Variants in VMP1 observed in about 807,000 individuals in gnomAD.
VMP1 encodes ectopic P-granules autophagy protein 3 homolog.
VMP1 carries 11 observed loss-of-function variants against 56.0 expected under a neutral mutation model. The ratio of observed to expected loss-of-function variants is 0.20; its 90% CI spans 0.12 to 0.32. VMP1 has a LOEUF of 0.32. Among genes scored for constraint, VMP1 ranks in the 10% least tolerant of loss-of-function variants. The probability of loss-of-function intolerance (pLI) is 1.00; values close to 1 mark genes in which losing one functional copy is unlikely to be tolerated. For synonymous variants in VMP1, 149 were observed against 165.0 expected (o/e 0.90, Z 0.74); for missense variants, 296 against 490.3 (o/e 0.60, Z 3.74).
chr17:59,751,354 T>TTA (rs992528014), intron 5 of VMP1, among the ~76,000 whole-genome samples: 1 of 151,974 alleles, frequency 6.6e-6, no homozygotes. Flanking sequence ...GTAAGAATAG[T>TTA]AAGTCAATGT....
chr17:59,777,755 G>A (rs112074942), intron 7 of VMP1, among the ~76,000 whole-genome samples: 27 of 152,004 alleles, frequency 1.8e-4, no homozygotes, highest in Non-Finnish European at 3.8e-4. Flanking sequence ...CAGAGGTTGC[G>A]GTGAGCCAAG....
chr17:59,729,673 C>G (rs114591779), intron 1 of VMP1: 1 of 147,252 alleles, frequency 6.8e-6, no homozygotes, highest in Non-Finnish European at 1.5e-5. Flanking sequence ...TTATTATTAT[C>G]TTTTTTTTGT....
chr17:59,831,835 G>A (rs900550908), intron 10 of VMP1, among the ~76,000 whole-genome samples: 31 of 149,940 alleles, frequency 2.1e-4, no homozygotes, highest in Non-Finnish European at 3.5e-4. Flanking sequence ...AATAACAAAA[G>A]TGTAAAAATT....
chr17:59,828,958 A>C, intron 10 of VMP1, among the ~76,000 whole-genome samples: 1 of 152,146 alleles, frequency 6.6e-6, no homozygotes, highest in Non-Finnish European at 1.5e-5. Context: ...TCTACTAAAA[A>C]TACAAAAACT....
chr17:59,838,284 C>T lies in VMP1; in HGVS notation c.975-11C>T, dbSNP rs755712512. The T allele has an allele frequency of 2.5e-6, 4 of 1,612,874 alleles. No individual in the cohort carries two copies. Among genetic ancestry groups the T allele is most frequent in the East Asian group, 2.2e-5 (1 of 44,860 alleles). ...TGTCTTTTTCTTTGGGCTACTGTACCCTGCTTCCAGTGCTGTCCCCGGCAT... is the reference window on the plus strand; with the variant it reads ...TGTCTTTTTCTTTGGGCTACTGTACTCTGCTTCCAGTGCTGTCCCCGGCAT... On this transcript the variant is annotated splice_polypyrimidine_tract_variant and intron_variant, in intron 10 of 11. Coordinates refer to ENST00000262291, the MANE Select transcript of VMP1 (RefSeq NM_030938.5).
At chr17:59,814,125 C>T (rs910728480) in intron 9 of VMP1, among the ~76,000 whole-genome samples, 1 of 152,176 alleles carries the variant, frequency 6.6e-6, no homozygotes, top group South Asian at 2.1e-4. Context: ...GGACTACAGG[C>T]GCATGCCACC....
chr17:59,771,029 T>C (rs554172853), intron 6 of VMP1, among the ~76,000 whole-genome samples: 5 of 152,150 alleles, frequency 3.3e-5, no homozygotes, highest in African/African-American at 1.2e-4. Flanking sequence ...TCCATAGCCT[T>C]GTGTATTTCT....
At chr17:59,817,662 T>C in intron 9 of VMP1, 50 bp from the exon 10 acceptor site, 1 of 1,390,422 alleles carries the variant, frequency 7.2e-7, no homozygotes, top group South Asian at 1.2e-5. Context: ...GAATTTATGT[T>C]GGTTTTTTGA....
intron 7 of VMP1, among the ~76,000 whole-genome samples, chr17:59,795,161 G>A (rs747362875): frequency 2.0e-5 from 3 of 151,990 alleles, no homozygotes; most frequent in Non-Finnish European, 4.4e-5. Flanking sequence ...TTTTAGTAGA[G>A]ACGGGGTTTC....
chr17:59,836,516 A>G (rs2038985924), intron 10 of VMP1, among the ~76,000 whole-genome samples: 2 of 151,908 alleles, frequency 1.3e-5, no homozygotes, highest in African/African-American at 4.8e-5. Context: ...CTTTTTAACA[A>G]CTTCACCCCT....
intron 7 of VMP1, among the ~76,000 whole-genome samples, chr17:59,785,546 T>TGGGCATGATGGC (rs1316002320): frequency 6.6e-6 from 1 of 152,092 alleles, no homozygotes; most frequent in East Asian, 1.9e-4. Context: ...AAAAATTAGC[T>TGGGCATGATGGC]GGGCATGATG....
At chr17:59,769,014 A>G (rs2036333874) in intron 6 of VMP1, among the ~76,000 whole-genome samples, 1 of 151,098 alleles carries the variant, frequency 6.6e-6, no homozygotes, top group Non-Finnish European at 1.5e-5. Flanking sequence ...CCAGCTACTC[A>G]GGACGCTGAG....
intron 7 of VMP1, among the ~76,000 whole-genome samples, chr17:59,782,897 GTGATT>G (rs892014205): frequency 2.4e-4 from 37 of 152,248 alleles, no homozygotes; most frequent in South Asian, 1.0e-3. Flanking sequence ...AATGGTGTAT[GTGATT>G]TTACTAAGAA....
intron 9 of VMP1, among the ~76,000 whole-genome samples, chr17:59,812,077 AAT>A (rs1214814490): frequency 1.3e-5 from 2 of 152,048 alleles, no homozygotes. Context: ...ACCAAACAAA[AAT>A]AGTGTTTGTG....
At chr17:59,832,036 C>A (rs959712203) in intron 10 of VMP1, among the ~76,000 whole-genome samples, 1 of 151,512 alleles carries the variant, frequency 6.6e-6, no homozygotes, top group African/African-American at 2.4e-5. Context: ...GCATGCGCCA[C>A]CATGCCTGGT....
intron 1 of VMP1, among the ~76,000 whole-genome samples, chr17:59,719,302 G>A (rs1196525983): frequency 7.1e-6 from 1 of 139,900 alleles, no homozygotes; most frequent in African/African-American, 2.7e-5. Context: ...CTGAGTGACA[G>A]AGGAAGACCC....
intron 1 of VMP1, among the ~76,000 whole-genome samples, chr17:59,716,699 G>C (rs1022663582): frequency 6.6e-6 from 1 of 152,154 alleles, no homozygotes; most frequent in Non-Finnish European, 1.5e-5. Flanking sequence ...CATTATGTTT[G>C]TTAACCTATT....
At chr17:59,731,582 G>T in intron 2 of VMP1, 60 bp downstream of exon 2, 1 of 1,216,712 alleles carries the variant, frequency 8.2e-7, no homozygotes, top group Non-Finnish European at 1.1e-6. Flanking sequence ...ACTTTTCATT[G>T]GAATAAAATA....
Position 59,838,623 on chromosome 17 carries a change from G to A in VMP1, c.1077+226G>A, listed in dbSNP as rs2039060789. 5.4e-5 allele frequency: 28 copies of A among 520,204 alleles called. No homozygotes were observed. In the East Asian group the frequency reaches 9.2e-4, roughly 17 times the overall value. 32.2% of individuals were successfully genotyped at this position (520,204 alleles called of 1,614,324 possible). A position where few individuals can be genotyped will look rare whatever the true frequency, so the allele number is the denominator to read the frequency against. On this transcript the variant is annotated intron_variant, in intron 11 of 11. Coordinates refer to ENST00000262291, the MANE Select transcript of VMP1 (RefSeq NM_030938.5). ...CCTAAAAACAAGGGTAGAGCCAATG[G>A]AAAGTAATGGTTCTGTTACATAGAA...
Sources: gnomAD v4.1 joint callset for allele counts (sites outside exome capture counted in the v4.1 genomes callset) on GRCh38, gnomAD v4.1.1 for gene constraint, MANE v1.5 for transcripts, NCBI Gene and HGNC (gene_info 2026-07-23, HGNC 2026-07-21) for gene names.